NME7: variants seen among roughly 807,000 people sequenced by gnomAD.
NME7 encodes the protein NME/NM23 family member 7.
Under a neutral mutation model 49.1 loss-of-function variants are expected in NME7, and 41 were observed. That is an observed-to-expected ratio of 0.83 (90% confidence interval 0.65 to 1.08). NME7 has a LOEUF of 1.08. Ranked by LOEUF, NME7 falls within the 50% of genes least tolerant of loss-of-function variation. The probability of loss-of-function intolerance (pLI) is 0.00; values close to 1 mark genes in which losing one functional copy is unlikely to be tolerated. For synonymous variants in NME7, 139 were observed against 150.6 expected, an observed-to-expected ratio of 0.92 and a Z score of 0.56; for missense variants, 423 against 463.4, an observed-to-expected ratio of 0.91 and a Z score of 0.80.
chr1:169,306,069 G>A (rs1651162027), intron 4 of NME7, among the ~76,000 whole-genome samples: 1 of 152,280 alleles, frequency 6.6e-6, no homozygotes, highest in East Asian at 1.9e-4. Flanking sequence ...AGACAAGGCA[G>A]AGCATTCAAG....
intron 10 of NME7, among the ~76,000 whole-genome samples, chr1:169,176,755 A>G (rs1659763999): frequency 6.6e-6 from 1 of 152,104 alleles, no homozygotes; most frequent in African/African-American, 2.4e-5. Flanking sequence ...AGAATTGGGC[A>G]TTCTTCAGAA....
chr1:169,259,401 T>C (rs1340344127), intron 7 of NME7, among the ~76,000 whole-genome samples: 1 of 134,282 alleles, frequency 7.4e-6, no homozygotes, highest in Non-Finnish European at 1.8e-5. Flanking sequence ...ATATGCTTCA[T>C]GTCTTTCTTA....
chr1:169,161,837 C>G (rs1221908685), intron 11 of NME7, among the ~76,000 whole-genome samples: 1 of 152,136 alleles, frequency 6.6e-6, no homozygotes, highest in East Asian at 1.9e-4. Flanking sequence ...AAATGTAGAC[C>G]TAGGTTCTAT....
In NME7 at chr1:169,303,170, C is replaced by G. The variant is rs748946443; in HGVS notation, c.415G>C (p.Asp139His). The change falls in exon 5 of 12, where the codon GAT becomes CAT. Residue 139 changes from aspartate (D) to histidine (H), a missense_variant. Transcript: ENST00000367811. ...SRKEALDFHV[D>H]HQSRPFFNEL... ...TTGAAAAAGGGTCTTGACTGGTGAT[C>G]TACATGAAAATCCAATGCTTCTTTC... 1 of 1,567,936 alleles carries G rather than the reference C, an allele frequency of 6.4e-7. No homozygotes were observed. Among genetic ancestry groups the G allele is most frequent in the South Asian group, 1.2e-5 (1 of 85,464 alleles).
intron 7 of NME7, among the ~76,000 whole-genome samples, chr1:169,278,252 A>T (rs1649830970): frequency 6.7e-6 from 1 of 149,942 alleles, no homozygotes; most frequent in Admixed American, 6.7e-5. Context: ...CGTTTGGGGA[A>T]GTTCTCCTGG....
intron 1 of NME7, among the ~76,000 whole-genome samples, chr1:169,364,737 G>GA (rs1409625692): frequency 6.6e-6 from 1 of 152,176 alleles, no homozygotes; most frequent in African/African-American, 2.4e-5. Context: ...CTAACTATGG[G>GA]AGAAATTTAT....
Position 169,135,014 on chromosome 1 carries a change from C to CAAAAAAAAAAAAAAAA in NME7, c.1099-2213_1099-2198dup, listed in dbSNP as rs58463903. On this transcript the variant is annotated intron_variant, in intron 11 of 11. Transcript: ENST00000367811. ...ACATAAGGAGATCCCCCCGTCTCTA[C>CAAAAAAAAAAAAAAAA]AAAAAAAAAAAAAAAAAAAAAAAAA... Among the ~76,000 whole-genome samples, 31 of 50,386 alleles carry CAAAAAAAAAAAAAAAA rather than the reference C, an allele frequency of 6.2e-4. 4 individuals carry two copies. The highest frequency in any genetic ancestry group is 1.8e-3 in the African/African-American group (25 of 13,754). 33.1% of individuals were successfully genotyped at this position (50,386 alleles called of 152,430 possible). A position where few individuals can be genotyped will look rare whatever the true frequency, so the allele number is the denominator to read the frequency against.
chr1:169,164,200 G>T (rs538331547), intron 11 of NME7, among the ~76,000 whole-genome samples: 1 of 152,078 alleles, frequency 6.6e-6, no homozygotes, highest in African/African-American at 2.4e-5. Context: ...GTGCAACCAA[G>T]GCTAGGAAAC....
At chr1:169,330,904 A>T (rs1281325601) in intron 1 of NME7, among the ~76,000 whole-genome samples, 2 of 152,136 alleles carry the variant, frequency 1.3e-5, no homozygotes, top group Non-Finnish European at 2.9e-5. Flanking sequence ...ACTCCCAGTA[A>T]AGAAAAGTCC....
Position 169,172,323 on chromosome 1 carries a change from CGTGT to C in NME7, c.991-2773_991-2770del, listed in dbSNP as rs200830717. 5.2e-3 allele frequency among the ~76,000 whole-genome samples: 662 copies of C among 127,774 alleles called. 7 individuals are homozygous for C. Among genetic ancestry groups the C allele is most frequent in the Admixed American group, 0.025 (324 of 13,082 alleles). The allele number at this position is 127,774 out of a possible 152,430, so 83.8% of individuals were successfully genotyped here. A position where few individuals can be genotyped will look rare whatever the true frequency, so the allele number is the denominator to read the frequency against. ...ACAAACCCACAAAAACAAAAACATA[CGTGT>C]GTGTGTGTGTGTGTGTGTGTGTGTG... On this transcript the variant is annotated intron_variant, in intron 10 of 11. Transcript: ENST00000367811.
At chr1:169,158,000 G>A (rs948626384) in intron 11 of NME7, among the ~76,000 whole-genome samples, 6 of 152,274 alleles carry the variant, frequency 3.9e-5, no homozygotes, top group African/African-American at 1.4e-4. Context: ...CCATTCGATA[G>A]GTTGTCTGTT....
At chr1:169,288,686 A>G (rs1650373072) in intron 6 of NME7, among the ~76,000 whole-genome samples, 1 of 152,196 alleles carries the variant, frequency 6.6e-6, no homozygotes, top group African/African-American at 2.4e-5. Context: ...CAGTGGTAAG[A>G]CACTAGAATA....
At position 169,308,588 on chromosome 1, in the gene NME7, C is replaced by T. The variant is rs186757400; in HGVS notation, c.389+1382G>A. Among the ~76,000 whole-genome samples the T allele has an allele frequency of 4.6e-5, 7 of 152,224 alleles. No individual in the cohort carries two copies. The East Asian group carries it at 5.8e-4, about 13-fold the overall frequency. ...ATCTTCCAGAATGTTTCAGTCTTTG[C>T]TTTGTCCATTTGGTAGGAAATTTTT... On this transcript the variant is annotated intron_variant, in intron 4 of 11. Transcript: ENST00000367811.
chr1:169,314,105 G>A (rs898421231), intron 3 of NME7, among the ~76,000 whole-genome samples: 1 of 151,688 alleles, frequency 6.6e-6, no homozygotes, highest in Non-Finnish European at 1.5e-5. Context: ...CACTCAAAAG[G>A]AAAATATTTT....
intron 10 of NME7, among the ~76,000 whole-genome samples, chr1:169,200,955 G>A (rs1241083677): frequency 1.3e-5 from 2 of 152,146 alleles, no homozygotes; most frequent in Non-Finnish European, 2.9e-5. Context: ...TCAAGCCTGG[G>A]TGCCATGGCT....
rs1005729559 is a variant in NME7, at chr1:169,232,345, T to C, written c.889-1526A>G. Among the ~76,000 whole-genome samples the C allele has an allele frequency of 4.0e-5, 6 of 150,514 alleles. No individual in the cohort carries two copies. The East Asian group carries it at 9.6e-4, about 24-fold the overall frequency. ...CATGTCAAGCTGTCTATTATATGTG[T>C]AATTAGAATCTCAGAAGAGAAGAAA... On this transcript the variant is annotated intron_variant, in intron 9 of 11. Transcript: ENST00000367811.
rs1443783400 is a variant in NME7 at position 169,257,532 on chromosome 1, G to A, written c.755-19845C>T. On this transcript the variant is annotated intron_variant, in intron 7 of 11. Transcript: ENST00000367811. ...GCAGAAATCACCCGTCTTCTGCGTC[G>A]CTCACGCTGGGAGCTGTAGACCGGA... is the stretch of plus-strand genomic sequence containing the variant. Among the ~76,000 whole-genome samples the A allele has an allele frequency of 6.0e-5, 8 of 133,756 alleles. 1 individual carries two copies. Among genetic ancestry groups the A allele is most frequent in the Non-Finnish European group, 8.8e-5 (5 of 56,968 alleles). The allele number at this position is 133,756 out of a possible 152,430, so 87.7% of individuals were successfully genotyped here.
At chr1:169,336,032 G>A (rs1015723726) in intron 1 of NME7, among the ~76,000 whole-genome samples, 3 of 151,940 alleles carry the variant, frequency 2.0e-5, no homozygotes, top group South Asian at 2.1e-4. Context: ...TGGCGCATCC[G>A]GAGTCTGTCC....
At chr1:169,276,544 C>T (rs1649736295) in intron 7 of NME7, among the ~76,000 whole-genome samples, 2 of 132,510 alleles carry the variant, frequency 1.5e-5, no homozygotes, top group South Asian at 4.7e-4. Flanking sequence ...TCCCCTTTAT[C>T]AGTTTTTATT....
Sources: allele counts gnomAD v4.1 joint callset (sites outside exome capture counted in the v4.1 genomes callset), GRCh38; gene constraint gnomAD v4.1.1; transcripts MANE v1.5; gene names NCBI Gene and HGNC (gene_info 2026-07-23, HGNC 2026-07-21).